Variants in INPP1 observed in about 807,000 individuals in gnomAD.
INPP1 encodes the protein inositol polyphosphate 1-phosphatase.
Under a neutral mutation model 23.0 loss-of-function variants are expected in INPP1, and 18 were observed. The observed-to-expected ratio is 0.78, with a 90% confidence interval of 0.54 to 1.16. The LOEUF is 1.16. INPP1 is among the 50% of genes most tolerant of loss of function. The pLI is 0.00. For synonymous variants in INPP1, 164 were observed against 176.3 expected, an observed-to-expected ratio of 0.93 and a Z score of 0.55; for missense variants, 448 against 482.1, an observed-to-expected ratio of 0.93 and a Z score of 0.66.
Position 190,360,244 on chromosome 2 carries a change from G to C in INPP1, c.142G>C (p.Asp48His). 6.2e-7 allele frequency: 1 copy of C among 1,614,136 alleles called. No individual in the cohort carries two copies. Among genetic ancestry groups the C allele is most frequent in the Non-Finnish European group, 8.5e-7 (1 of 1,180,034 alleles). The change falls in exon 3 of 7, where the codon GAC becomes CAC. Residue 48 changes from aspartate (D) to histidine (H), a missense_variant. By Grantham distance (81) the Asp-to-His change is moderately conservative (BLOSUM62 -1). Transcript: ENST00000392329. ...EGEKNKKFAV[D>H]FKTLADVLVQ... is the part of the protein sequence containing the mutation. ...AGAAAAGAACAAGAAGTTTGCAGTTGACTTCAAGACGCTGGCTGATGTACT... is the reference window on the plus strand; with the variant it reads ...AGAAAAGAACAAGAAGTTTGCAGTTCACTTCAAGACGCTGGCTGATGTACT...
chr2:190,350,476 C>A (rs1293092015), intron 2 of INPP1, among the ~76,000 whole-genome samples: 1 of 152,178 alleles, frequency 6.6e-6, no homozygotes, highest in Non-Finnish European at 1.5e-5. Flanking sequence ...ACTTCTTGAT[C>A]TTAGCTGATT....
chr2:190,361,310 G>A (rs1689529833), intron 3 of INPP1, among the ~76,000 whole-genome samples: 1 of 152,116 alleles, frequency 6.6e-6, no homozygotes, highest in African/African-American at 2.4e-5. Context: ...GAACTTTATG[G>A]CAGAAAGCAT....
intron 6 of INPP1, among the ~76,000 whole-genome samples, chr2:190,370,073 T>C (rs1689771045): frequency 6.6e-6 from 1 of 152,248 alleles, no homozygotes; most frequent in Admixed American, 6.5e-5. Context: ...GTTTCTGCTA[T>C]CTTTAAAAGG....
chr2:190,366,226 T>A (rs932949432), intron 4 of INPP1, among the ~76,000 whole-genome samples: 1 of 151,188 alleles, frequency 6.6e-6, no homozygotes, highest in African/African-American at 2.4e-5. Context: ...TGTCTCTCTC[T>A]TGCTTGCTCT....
intron 2 of INPP1, among the ~76,000 whole-genome samples, chr2:190,358,510 A>G (rs1304826638): frequency 6.6e-6 from 1 of 152,162 alleles, no homozygotes; most frequent in Non-Finnish European, 1.5e-5. Context: ...GAGCCACCAT[A>G]CCTGGCCTAT....
At chr2:190,347,290 C>A (rs901446183) in intron 1 of INPP1, among the ~76,000 whole-genome samples, 1 of 151,858 alleles carries the variant, frequency 6.6e-6, no homozygotes, top group African/African-American at 2.4e-5. Context: ...GGATTACAGG[C>A]GTGAGCCACC....
At chr2:190,357,044 C>T (rs986881296) in intron 2 of INPP1, among the ~76,000 whole-genome samples, 32 of 152,144 alleles carry the variant, frequency 2.1e-4, no homozygotes, top group African/African-American at 7.7e-4. Context: ...GCTTTATTAA[C>T]GCAGCTGTTT....
chr2:190,369,464 C>A (rs1108939), intron 6 of INPP1, among the ~76,000 whole-genome samples, 187 bp downstream of exon 6: 22,699 of 152,106 alleles, frequency 0.15, 2,248 homozygotes, highest in Admixed American at 0.31. Flanking sequence ...TTATTTCAGG[C>A]CAAGTGCATG....
chr2:190,361,099 A>G (rs1417391260), intron 3 of INPP1, among the ~76,000 whole-genome samples: 1 of 151,598 alleles, frequency 6.6e-6, no homozygotes, highest in Non-Finnish European at 1.5e-5. Context: ...TCTTATAACA[A>G]TTTGATGAAG....
At position 190,346,755 on chromosome 2, in the gene INPP1, C is replaced by T. The variant is rs1244511552; in HGVS notation, c.-208-2133C>T. The stretch of plus-strand genomic sequence containing the variant: ...TCCCGAGTGTCTGGGACTACAGGCA[C>T]GTGCCACCATCCCAGCTAATTTTTA... On this transcript the variant is annotated intron_variant, in intron 1 of 6. Transcript: ENST00000392329. This position sits in a 1 kb window ranked among gnomAD's most constrained non-coding sequence, Gnocchi z 5.1. 2.0e-5 allele frequency among the ~76,000 whole-genome samples: 3 copies of T among 151,868 alleles called. No individual in the cohort carries two copies. Among genetic ancestry groups the T allele is most frequent in the African/African-American group, 4.8e-5 (2 of 41,334 alleles).
Position 190,360,030 on chromosome 2 carries a change from T to C in INPP1, c.-64-9T>C, listed in dbSNP as rs1689503889. On this transcript the variant is annotated splice_polypyrimidine_tract_variant and intron_variant, in intron 2 of 6. Coordinates refer to ENST00000392329, the MANE Select transcript of INPP1 (RefSeq NM_001128928.2). ...CTGCTTTCTCTTTCACATTCTTGTATTTTTCCAGCTGACGGCCCAGAGGGT... is the reference window on the plus strand; with the variant it reads ...CTGCTTTCTCTTTCACATTCTTGTACTTTTCCAGCTGACGGCCCAGAGGGT... The C allele has an allele frequency of 6.8e-7, 1 of 1,480,274 alleles. No individual in the cohort carries two copies. Among genetic ancestry groups the C allele is most frequent in the Admixed American group, 1.7e-5 (1 of 58,246 alleles). The allele number at this position is 1,480,274 out of a possible 1,614,324, so 91.7% of individuals were successfully genotyped here.
chr2:190,345,115 T>G lies in INPP1; in HGVS notation c.-209+1154T>G, dbSNP rs1442624998. ...ATACAGATATTTGTTTCCATTCTTA[T>G]GTAGAGCCTACTTTATTTTTAAGTT... On this transcript the variant is annotated intron_variant, in intron 1 of 6. Coordinates refer to ENST00000392329, the MANE Select transcript of INPP1 (RefSeq NM_001128928.2). This position sits in a 1 kb window ranked among gnomAD's most constrained non-coding sequence, Gnocchi z 4.9. Among the ~76,000 whole-genome samples the G allele has an allele frequency of 6.6e-6, 1 of 152,276 alleles. No individual in the cohort carries two copies. The highest frequency in any genetic ancestry group is 2.4e-5 in the African/African-American group (1 of 41,466).
At position 190,346,762 on chromosome 2, in the gene INPP1, C is replaced by T. The variant is rs1689223759; in HGVS notation, c.-208-2126C>T. Among the ~76,000 whole-genome samples the T allele has an allele frequency of 6.6e-6, 1 of 152,004 alleles. No homozygotes were observed. The highest frequency in any genetic ancestry group is 2.1e-4 in the South Asian group (1 of 4,820). ...TGTCTGGGACTACAGGCACGTGCCA[C>T]CATCCCAGCTAATTTTTAAAATTGT... On this transcript the variant is annotated intron_variant, in intron 1 of 6. Transcript: ENST00000392329. This position sits in a 1 kb window ranked among gnomAD's most constrained non-coding sequence, Gnocchi z 5.1.
intron 2 of INPP1, among the ~76,000 whole-genome samples, chr2:190,359,448 T>G (rs1042350854): frequency 3.3e-5 from 5 of 151,666 alleles, no homozygotes; most frequent in Admixed American, 1.3e-4. Flanking sequence ...TCCCACCTAC[T>G]CGGGAGGCTG....
intron 2 of INPP1, chr2:190,359,813 T>C: frequency 3.1e-6 from 1 of 323,924 alleles, no homozygotes; most frequent in Non-Finnish European, 5.9e-6. Context: ...AATTTAATTC[T>C]TGGTATATTT....
At chr2:190,362,578 A>G (rs370786066) in intron 3 of INPP1, 49 bp from the exon 4 acceptor site, 1 of 1,106,674 alleles carries the variant, frequency 9.0e-7, no homozygotes, top group South Asian at 1.4e-5. Flanking sequence ...AGAATTGAGC[A>G]TATGTGTGGG....
intron 6 of INPP1, among the ~76,000 whole-genome samples, chr2:190,370,347 C>A (rs1394859831): frequency 6.6e-6 from 1 of 152,028 alleles, no homozygotes; most frequent in Non-Finnish European, 1.5e-5. Context: ...TTGTGGTTGC[C>A]AAAACTAATA....
At chr2:190,361,914 G>A (rs1400307888) in intron 3 of INPP1, among the ~76,000 whole-genome samples, 1 of 152,196 alleles carries the variant, frequency 6.6e-6, no homozygotes, top group Non-Finnish European at 1.5e-5. Context: ...CTGAGAATAT[G>A]TGTATCAAAA....
chr2:190,357,438 C>G (rs1247778826), intron 2 of INPP1, among the ~76,000 whole-genome samples: 1 of 152,188 alleles, frequency 6.6e-6, no homozygotes, highest in Non-Finnish European at 1.5e-5. Context: ...AGCTCTTTCT[C>G]TCTGTGTATG....
Sources: allele counts gnomAD v4.1 joint callset (sites outside exome capture counted in the v4.1 genomes callset), GRCh38; gene constraint gnomAD v4.1.1; non-coding constraint Gnocchi (gnomAD v3.1); transcripts MANE v1.5; gene names NCBI Gene and HGNC (gene_info 2026-07-23, HGNC 2026-07-21).